Variants in SETD3 observed in about 807,000 individuals in gnomAD.
The protein encoded by SETD3 is SET domain containing 3, actin N3(tau)-histidine methyltransferase, also known as actin-histidine N-methyltransferase.
SETD3 carries 19 observed loss-of-function variants against 63.0 expected under a neutral mutation model. That is an observed-to-expected ratio of 0.30 (90% CI 0.21 to 0.44). The LOEUF is 0.44. SETD3 is among the 20% of genes least tolerant of loss of function. SETD3 has a pLI of 1.00. For synonymous variants in SETD3, 286 were observed against 264.1 expected (o/e 1.08, Z -0.80); for missense variants, 587 against 728.5 (o/e 0.81, Z 2.24).
At chr14:99,471,924 C>G (rs188048661) in intron 1 of SETD3, among the ~76,000 whole-genome samples, 21 of 152,208 alleles carry the variant, frequency 1.4e-4, no homozygotes, top group African/African-American at 5.1e-4. Flanking sequence ...CCACTGAGGC[C>G]GGCAGTGACC....
At chr14:99,413,412 G>A (rs1229563922) in intron 7 of SETD3, among the ~76,000 whole-genome samples, 3 of 152,072 alleles carry the variant, frequency 2.0e-5, no homozygotes, top group African/African-American at 7.2e-5. Context: ...TGCTGACTCT[G>A]CACCTATTTT....
At chr14:99,465,620 T>C (rs1895325327) in intron 2 of SETD3, 83 bp downstream of exon 2, 2 of 1,083,074 alleles carry the variant, frequency 1.8e-6, no homozygotes, top group South Asian at 2.7e-5. Flanking sequence ...GCTTGTCTGA[T>C]GCACGCGTCC....
chr14:99,443,905 T>C (rs1411853230), intron 6 of SETD3, among the ~76,000 whole-genome samples: 2 of 152,188 alleles, frequency 1.3e-5, no homozygotes, highest in Non-Finnish European at 2.9e-5. Context: ...TCATGACTCT[T>C]GGAAGGAGGC....
At chr14:99,449,526 A>T (rs1894334612) in intron 6 of SETD3, among the ~76,000 whole-genome samples, 1 of 152,158 alleles carries the variant, frequency 6.6e-6, no homozygotes, top group African/African-American at 2.4e-5. Context: ...ATACTGAGGG[A>T]CCTCTACAAA....
rs1420548100 is a variant in SETD3, at chr14:99,463,335, A to C, written c.196+151T>G. ...CTCAGAAAGGGGAGAAATCCCGCTA[A>C]CTGCTCTCTCTCCCGGTCTGCAAGC... On this transcript the variant is annotated intron_variant, in intron 3 of 12. Transcript: ENST00000331768. The C allele has an allele frequency of 1.4e-5, 8 of 580,456 alleles. No homozygotes were observed. The Admixed American group carries it at 2.5e-4, about 18-fold the overall frequency. The allele number at this position is 580,456 out of a possible 1,614,324, so 36.0% of individuals were successfully genotyped here.
At chr14:99,467,439 G>T (rs1426264115) in intron 1 of SETD3, among the ~76,000 whole-genome samples, 1 of 152,220 alleles carries the variant, frequency 6.6e-6, no homozygotes, top group African/African-American at 2.4e-5. Flanking sequence ...AAGAGCAAGG[G>T]CACAGCCTGG....
In SETD3 at chr14:99,460,225, A is replaced by G. The variant is rs1457091822; in HGVS notation, c.345+967T>C. Among the ~76,000 whole-genome samples, 16 of 152,236 alleles carry G rather than the reference A, an allele frequency of 1.1e-4. 1 individual carries two copies. ...ACATTTAACAGGTATCTAATATACC[A>G]GCATGTGATTTATCAATCTATCAAT... On this transcript the variant is annotated intron_variant, in intron 4 of 12. Coordinates refer to ENST00000331768, the MANE Select transcript of SETD3 (RefSeq NM_032233.3).
At chr14:99,459,010 G>A (rs1272761622) in intron 5 of SETD3, 103 bp downstream of exon 5, 9 of 730,598 alleles carry the variant, frequency 1.2e-5, no homozygotes, top group South Asian at 4.1e-5. Context: ...GGAATATTTC[G>A]CCAGTCGAGA....
chr14:99,398,715 T>A lies in SETD3; in HGVS notation c.1749A>T (p.Gly583=). 1 of 1,614,162 alleles carries A rather than the reference T, an allele frequency of 6.2e-7. No homozygotes were observed. The highest frequency in any genetic ancestry group is 8.5e-7 in the Non-Finnish European group (1 of 1,180,034). ...CTCCAGCAGTGCTGTCTGAAGAAGA[T>A]CCTTTGGCGTCTTCAACTGCTCTTT... ...ESKRAVEDAK[G]SSSDSTAGVK... is the part of the protein sequence containing the mutation. Residue 583 remains glycine (G), a synonymous_variant, in exon 13 of 13, where the codon GGA becomes GGT. Transcript: ENST00000331768.
intron 6 of SETD3, among the ~76,000 whole-genome samples, chr14:99,436,820 C>G (rs1893510427): frequency 6.6e-6 from 1 of 152,190 alleles, no homozygotes; most frequent in South Asian, 2.1e-4. Context: ...TAAGTGTTCC[C>G]TGGGTTCTTC....
intron 3 of SETD3, 77 bp downstream of exon 3, chr14:99,463,409 C>A: frequency 9.1e-7 from 1 of 1,094,532 alleles, no homozygotes; most frequent in Non-Finnish European, 1.4e-6. Context: ...GAGACCTTTA[C>A]TACTCGTCAA....
intron 1 of SETD3, among the ~76,000 whole-genome samples, chr14:99,477,091 C>A (rs907142724): frequency 1.3e-5 from 2 of 152,138 alleles, no homozygotes; most frequent in Non-Finnish European, 2.9e-5. Context: ...AGATCCCTTT[C>A]AAAATCTTAA....
Position 99,447,542 on chromosome 14 carries a change from C to T in SETD3, c.675+10737G>A, listed in dbSNP as rs117064668. ...ACACAACGAAGGCAGTGCTTACACACTGAACACAAATTAATCTCAATGTCA... is the reference window on the plus strand; with the variant it reads ...ACACAACGAAGGCAGTGCTTACACATTGAACACAAATTAATCTCAATGTCA... On this transcript the variant is annotated intron_variant, in intron 6 of 12. Coordinates refer to ENST00000331768, the MANE Select transcript of SETD3 (RefSeq NM_032233.3). Among the ~76,000 whole-genome samples, 412 of 152,348 alleles carry T rather than the reference C, an allele frequency of 2.7e-3. No homozygotes were observed. In the Middle Eastern group the frequency reaches 0.027, roughly 10 times the overall value.
chr14:99,483,011 A>G (rs1278009748), upstream of SETD3, among the ~76,000 whole-genome samples: 1 of 152,232 alleles, frequency 6.6e-6, no homozygotes, highest in Non-Finnish European at 1.5e-5. Context: ...TGTATACCAG[A>G]GTATTTGCAG....
At chr14:99,474,808 C>G (rs1234465609) in intron 1 of SETD3, among the ~76,000 whole-genome samples, 1 of 152,016 alleles carries the variant, frequency 6.6e-6, no homozygotes, top group Non-Finnish European at 1.5e-5. Context: ...CCAGCCTGGG[C>G]CACAGAGCAA....
intron 3 of SETD3, among the ~76,000 whole-genome samples, chr14:99,463,193 G>A (rs540894117): frequency 1.3e-5 from 2 of 152,312 alleles, no homozygotes; most frequent in East Asian, 1.9e-4. Context: ...GGAAATAACG[G>A]TATAATACTT....
At chr14:99,480,520 G>A (rs896853776) in intron 1 of SETD3, among the ~76,000 whole-genome samples, 3 of 150,842 alleles carry the variant, frequency 2.0e-5, no homozygotes, top group Non-Finnish European at 4.4e-5. Flanking sequence ...CGACCCCGCC[G>A]GGCCCTCCTC....
At chr14:99,426,755 T>C (rs969608414) in intron 6 of SETD3, among the ~76,000 whole-genome samples, 1 of 151,926 alleles carries the variant, frequency 6.6e-6, no homozygotes, top group African/African-American at 2.4e-5. Context: ...AGGTGTCCTC[T>C]CCCAGGGGGG....
upstream of SETD3, among the ~76,000 whole-genome samples, chr14:99,483,161 T>C (rs1430322228): frequency 2.0e-5 from 3 of 152,154 alleles, no homozygotes; most frequent in South Asian, 2.1e-4. Context: ...CTATTAATAA[T>C]CTGTTTTAGA....
Sources: allele counts gnomAD v4.1 joint callset (sites outside exome capture counted in the v4.1 genomes callset), GRCh38; gene constraint gnomAD v4.1.1; transcripts MANE v1.5; gene names NCBI Gene and HGNC (gene_info 2026-07-23, HGNC 2026-07-21).